The following DIAPH3 variants were observed in gnomAD, a reference collection of about 807,000 sequenced individuals.
DIAPH3 encodes the protein diaphanous related formin 3.
In DIAPH3, 117 loss-of-function variants were observed where a neutral mutation model predicts 144.3. The ratio of observed to expected loss-of-function variants is 0.81; its 90% CI spans 0.70 to 0.95. The LOEUF (loss-of-function observed/expected upper bound fraction) is 0.95, where lower values mean the gene tolerates loss of function less well. DIAPH3 is among the 40% of genes least tolerant of loss of function. The pLI is 0.00. For missense variants in DIAPH3, 1,421 were observed against 1,412.7 expected (o/e 1.01, Z -0.09); for synonymous variants, 519 against 488.9 (o/e 1.06, Z -0.81).
At chr13:60,020,519 C>G (rs534614274) in intron 5 of DIAPH3, among the ~76,000 whole-genome samples, 1 of 152,266 alleles carries the variant, frequency 6.6e-6, no homozygotes, top group East Asian at 1.9e-4. Context: ...AAGCATGTGT[C>G]ACCACATTCA....
intron 9 of DIAPH3, among the ~76,000 whole-genome samples, chr13:60,006,416 T>C (rs1406009781): frequency 6.6e-6 from 1 of 152,102 alleles, no homozygotes; most frequent in Non-Finnish European, 1.5e-5. Flanking sequence ...AAACTTTTAC[T>C]CTCAAATAAT....
intron 27 of DIAPH3, among the ~76,000 whole-genome samples, chr13:59,710,311 ATACCATGGTATATC>A (rs1789197981): frequency 6.6e-6 from 1 of 151,870 alleles, no homozygotes; most frequent in Non-Finnish European, 1.5e-5. Context: ...CTAAAAAGTA[ATACCATGGTATATC>A]TGCAAAGATC....
intron 5 of DIAPH3, among the ~76,000 whole-genome samples, chr13:60,039,047 G>A (rs1352820488): frequency 4.6e-5 from 7 of 151,508 alleles, no homozygotes; most frequent in African/African-American, 7.3e-5. Context: ...AACTGTCACC[G>A]AGAATACTAG....
chr13:59,763,199 T>C (rs1481579129), intron 27 of DIAPH3, among the ~76,000 whole-genome samples: 1 of 152,148 alleles, frequency 6.6e-6, no homozygotes, highest in Non-Finnish European at 1.5e-5. Context: ...TTCTTTTTCA[T>C]ACATATATCT....
chr13:60,095,065 T>C (rs2058065816), intron 3 of DIAPH3, among the ~76,000 whole-genome samples: 1 of 152,138 alleles, frequency 6.6e-6, no homozygotes, highest in Admixed American at 6.5e-5. Context: ...GAGGTGATGC[T>C]ACCAGCATTT....
chr13:60,139,622 A>T (rs775728343), intron 1 of DIAPH3, among the ~76,000 whole-genome samples: 3 of 152,184 alleles, frequency 2.0e-5, no homozygotes, highest in Non-Finnish European at 4.4e-5. Context: ...AGGAGGCAAC[A>T]TACCTGCTAG....
At chr13:59,797,013 C>A (rs2039644104) in intron 25 of DIAPH3, among the ~76,000 whole-genome samples, 1 of 152,118 alleles carries the variant, frequency 6.6e-6, no homozygotes, top group African/African-American at 2.4e-5. Flanking sequence ...ACTGGTGGAG[C>A]AGGGACTGGA....
chr13:59,829,564 A>C (rs1222867564), intron 24 of DIAPH3, among the ~76,000 whole-genome samples: 2 of 151,950 alleles, frequency 1.3e-5, no homozygotes, highest in Admixed American at 1.3e-4. Context: ...AAATGGGTAA[A>C]TATAGCTCCA....
chr13:59,930,335 T>G (rs976925265), intron 17 of DIAPH3, among the ~76,000 whole-genome samples: 8 of 152,198 alleles, frequency 5.3e-5, no homozygotes, highest in Non-Finnish European at 1.5e-5. Flanking sequence ...ATGACAATTA[T>G]AATACATGGA....
intron 1 of DIAPH3, chr13:60,144,580 C>T (rs1951418241): frequency 6.6e-6 from 1 of 152,206 alleles, no homozygotes; most frequent in Admixed American, 6.5e-5. Context: ...CCAATCAAAT[C>T]TCCATTTTCC....
intron 17 of DIAPH3, among the ~76,000 whole-genome samples, chr13:59,961,767 ATG>A (rs1167127739): frequency 1.3e-5 from 2 of 152,210 alleles, no homozygotes; most frequent in Non-Finnish European, 2.9e-5. Flanking sequence ...TCACCGAAGA[ATG>A]TAACTTTCTT....
At chr13:59,788,205 A>G (rs1291651419) in intron 25 of DIAPH3, among the ~76,000 whole-genome samples, 1 of 152,236 alleles carries the variant, frequency 6.6e-6, no homozygotes, top group Non-Finnish European at 1.5e-5. Context: ...AGCAACAATG[A>G]AAAATTATGA....
intron 15 of DIAPH3, among the ~76,000 whole-genome samples, chr13:59,972,441 C>A (rs1355619592): frequency 3.3e-5 from 5 of 152,138 alleles, no homozygotes; most frequent in African/African-American, 1.2e-4. Flanking sequence ...TTCTAACTAC[C>A]TTTAACATTT....
rs1053918635 is a variant in DIAPH3 at position 59,679,891 on chromosome 13, T to G, written c.3320-13045A>C. 2.0e-5 allele frequency among the ~76,000 whole-genome samples: 3 copies of G among 152,160 alleles called. No homozygotes were observed. In the South Asian group the frequency reaches 6.2e-4, roughly 32 times the overall value. Reference sequence around the variant, plus strand: ...TTTATGTTAAAGACAAAGAAAAATATGTTACTATCAAATGGCAGAATGTTC... The same window carrying G: ...TTTATGTTAAAGACAAAGAAAAATAGGTTACTATCAAATGGCAGAATGTTC... On this transcript the variant is annotated intron_variant, in intron 27 of 27. Transcript: ENST00000400324.
At chr13:59,977,644 A>G (rs9563778) in intron 14 of DIAPH3, among the ~76,000 whole-genome samples, 11,756 of 151,788 alleles carry the variant, frequency 0.077, 765 homozygotes, top group East Asian at 0.4. Context: ...GCCTTCCTGA[A>G]TTGAGGTGGA....
intron 27 of DIAPH3, among the ~76,000 whole-genome samples, chr13:59,754,004 C>T (rs2037140946): frequency 6.6e-6 from 1 of 152,152 alleles, no homozygotes; most frequent in African/African-American, 2.4e-5. Context: ...TACTGGGACA[C>T]CTTCACTTTT....
At chr13:59,984,075 A>T (rs1463334016) in intron 12 of DIAPH3, among the ~76,000 whole-genome samples, 188 bp from the exon 13 acceptor site, 1 of 151,676 alleles carries the variant, frequency 6.6e-6, no homozygotes, top group African/African-American at 2.4e-5. Context: ...CTTTTAATGA[A>T]TTCAAAACAT....
intron 22 of DIAPH3, among the ~76,000 whole-genome samples, chr13:59,850,203 C>G (rs978719639): frequency 8.7e-4 from 133 of 152,136 alleles, no homozygotes; most frequent in Middle Eastern, 3.4e-3. Context: ...TGCTTCTCAG[C>G]TTAAGGAGAT....
chr13:60,024,932 G>A (rs892207272), intron 5 of DIAPH3, among the ~76,000 whole-genome samples: 5 of 152,108 alleles, frequency 3.3e-5, no homozygotes, highest in Non-Finnish European at 7.4e-5. Context: ...ACCATGGAAG[G>A]GGGATGTGGA....
Sources: allele counts gnomAD v4.1 joint callset (sites outside exome capture counted in the v4.1 genomes callset), GRCh38; gene constraint gnomAD v4.1.1; transcripts MANE v1.5; gene names NCBI Gene and HGNC (gene_info 2026-07-23, HGNC 2026-07-21).